Variants in TIE1 observed in about 807,000 individuals in gnomAD.
The protein encoded by TIE1 is tyrosine-protein kinase receptor Tie-1.
A neutral mutation model predicts 130.5 loss-of-function variants in TIE1; 89 were observed. The observed-to-expected ratio is 0.68, with a 90% confidence interval of 0.57 to 0.81. TIE1 has a LOEUF of 0.81. TIE1 is among the 40% of genes least tolerant of loss of function. TIE1 has a pLI of 0.00. For synonymous variants in TIE1, 568 were observed against 629.4 expected, an observed-to-expected ratio of 0.90 and a Z score of 1.46; for missense variants, 1,392 against 1,559.8, an observed-to-expected ratio of 0.89 and a Z score of 1.81.
rs1646720112 is a variant in TIE1, at chr1:43,305,485, C to T, written c.484+142C>T. ...CTCTCCTCTGTAGTGGACCAGGTCC[C>T]ATGGGATGTGCCTGCACCCATCTTA... On this transcript the variant is annotated intron_variant, in intron 3 of 22. Coordinates refer to ENST00000372476, the MANE Select transcript of TIE1 (RefSeq NM_005424.5). 6.8e-6 allele frequency: 5 copies of T among 740,364 alleles called. No individual in the cohort carries two copies. In the South Asian group the frequency reaches 9.8e-5, roughly 15 times the overall value. 45.9% of individuals were successfully genotyped at this position (740,364 alleles called of 1,614,324 possible).
At chr1:43,311,917 G>A (rs1357649444) in intron 10 of TIE1, 77 bp from the exon 11 acceptor site, 86 of 1,570,724 alleles carry the variant, frequency 5.5e-5, no homozygotes, top group Non-Finnish European at 6.8e-5. Flanking sequence ...CAAATGGTGC[G>A]AGGGGGCTGA....
At chr1:43,321,823 C>T in intron 22 of TIE1, 108 bp downstream of exon 22, 1 of 1,042,532 alleles carries the variant, frequency 9.6e-7, no homozygotes, top group South Asian at 1.5e-5. Flanking sequence ...GCCCAACCTC[C>T]CTCAGTGGGG....
At chr1:43,321,534 G>A (rs374317494) in intron 21 of TIE1, 42 bp downstream of exon 21, 7 of 1,578,306 alleles carry the variant, frequency 4.4e-6, no homozygotes, top group Admixed American at 1.9e-5. Flanking sequence ...CTATCTCTGT[G>A]ATGAGTGACC....
Position 43,306,733 on chromosome 1 carries a change from A to G in TIE1, c.485-107A>G. ...TCTCGTGGTGCCGGCCCTAGGTCTC[A>G]TCACTGTGCATGGGGCTCATTGATG... is the stretch of plus-strand genomic sequence containing the variant. On this transcript the variant is annotated intron_variant, in intron 3 of 22. Transcript: ENST00000372476. This position sits in a 1 kb window ranked among gnomAD's most constrained non-coding sequence, Gnocchi z 4.9. 1.4e-6 allele frequency: 2 copies of G among 1,412,204 alleles called. No individual in the cohort carries two copies. The highest frequency in any genetic ancestry group is 1.9e-6 in the Non-Finnish European group (2 of 1,049,058). The allele number at this position is 1,412,204 out of a possible 1,614,324, so 87.5% of individuals were successfully genotyped here.
intron 9 of TIE1, among the ~76,000 whole-genome samples, chr1:43,311,256 G>A (rs1369902835): frequency 6.6e-6 from 1 of 152,080 alleles, no homozygotes; most frequent in East Asian, 1.9e-4. Context: ...GCTATGAAGC[G>A]TGTGGCGGGG....
chr1:43,311,357 AGTCTCCC>A (rs1646788420), intron 9 of TIE1, among the ~76,000 whole-genome samples: 2 of 151,668 alleles, frequency 1.3e-5, no homozygotes, highest in Non-Finnish European at 2.9e-5. Flanking sequence ...ATGCCCAGGT[AGTCTCCC>A]TGACCTGGGT....
intron 19 of TIE1, among the ~76,000 whole-genome samples, 195 bp from the exon 20 acceptor site, chr1:43,321,074 T>C (rs1316989378): frequency 2.7e-5 from 4 of 148,596 alleles, no homozygotes; most frequent in African/African-American, 1.0e-4. Context: ...AGAGCTCTAA[T>C]TGTGCTGAGC....
At position 43,321,641 on chromosome 1, in the gene TIE1, C is replaced by T. The variant is rs992891484; in HGVS notation, c.3271C>T (p.Arg1091Trp). ...GTACGAGCTGATGCGTCAGTGCTGG[C>T]GGGACCGTCCCTATGAGCGACCCCC... ...EVYELMRQCW[R>W]DRPYERPPFA... Residue 1091 changes from arginine (R) to tryptophan (W), a missense_variant, in exon 22 of 23, where the codon CGG becomes TGG. Transcript: ENST00000372476. 3.9e-6 allele frequency: 6 copies of T among 1,553,604 alleles called. No homozygotes were observed. Among genetic ancestry groups the T allele is most frequent in the Non-Finnish European group, 5.2e-6 (6 of 1,148,022 alleles).
chr1:43,313,779 G>A lies in TIE1; in HGVS notation c.2220G>A (p.Gly740=). ...NTVEESTLGN[G]LQAEGPVQES... ...ATCTGCCCCTCTCACTGTGTCCAGG[G>A]CTGCAGGCTGAGGGCCCAGTCCAAG... The change falls in exon 14 of 23, where the codon GGG becomes GGA. Residue 740 remains glycine, a splice_region_variant and synonymous_variant. Coordinates refer to ENST00000372476, the MANE Select transcript of TIE1 (RefSeq NM_005424.5). This position sits in a 1 kb window ranked among gnomAD's most constrained non-coding sequence, Gnocchi z 6.2. 6.2e-7 allele frequency: 1 copy of A among 1,611,110 alleles called. No individual in the cohort carries two copies. The highest frequency in any genetic ancestry group is 1.3e-5 in the African/African-American group (1 of 74,962).
rs1646827841 is a variant in TIE1 at position 43,313,621 on chromosome 1, C to T, written c.2219-157C>T. On this transcript the variant is annotated intron_variant, in intron 13 of 22. Coordinates refer to ENST00000372476, the MANE Select transcript of TIE1 (RefSeq NM_005424.5). This position sits in a 1 kb window ranked among gnomAD's most constrained non-coding sequence, Gnocchi z 6.2. ...CAGGGCTGGGAAAATCATGTCGCCC[C>T]TCTGACACCCCTCATCCCTTCCTTC... 7 of 1,062,364 alleles carry T rather than the reference C, an allele frequency of 6.6e-6. No homozygotes were observed. The highest frequency in any genetic ancestry group is 1.6e-5 in the African/African-American group (1 of 62,524). 65.8% of individuals were successfully genotyped at this position (1,062,364 alleles called of 1,614,324 possible).
intron 10 of TIE1, 33 bp from the exon 11 acceptor site, chr1:43,311,961 C>A (rs774896038): frequency 6.4e-7 from 1 of 1,562,742 alleles, no homozygotes; most frequent in African/African-American, 1.4e-5. Flanking sequence ...GAGGTGGGGG[C>A]TGAATAATGT....
Position 43,313,953 on chromosome 1 carries a change from C to G in TIE1, c.2394C>G (p.Thr798=), listed in dbSNP as rs1161945018. Residue 798 remains threonine, a synonymous_variant, in exon 14 of 23, where the codon ACC becomes ACG. Coordinates refer to ENST00000372476, the MANE Select transcript of TIE1 (RefSeq NM_005424.5). The surrounding 1 kb of genome is among the most constrained non-coding windows in gnomAD (Gnocchi z 6.2). ...RSCLHRRRTF[T]YQSGSGEETI... ...GCCTGCATCGGAGACGCACCTTCACCTACCAGTCAGGCTCGGTCAGTGACC... is the reference window on the plus strand; with the variant it reads ...GCCTGCATCGGAGACGCACCTTCACGTACCAGTCAGGCTCGGTCAGTGACC... The G allele has an allele frequency of 9.9e-6, 16 of 1,614,076 alleles. No individual in the cohort carries two copies. Among genetic ancestry groups the G allele is most frequent in the African/African-American group, 1.3e-5 (1 of 74,932 alleles).
At chr1:43,304,448 G>A (rs1422675086) in intron 1 of TIE1, among the ~76,000 whole-genome samples, 1 of 152,200 alleles carries the variant, frequency 6.6e-6, no homozygotes, top group Non-Finnish European at 1.5e-5. Context: ...TTTTAGAGAC[G>A]AGTGGGGAAA....
rs768619519 is a variant in TIE1 at position 43,305,324 on chromosome 1, C to T, written c.465C>T (p.Asp155=). The T allele has an allele frequency of 2.0e-5, 32 of 1,569,954 alleles. No homozygotes were observed. The East Asian group carries it at 6.7e-4, about 33-fold the overall frequency. Residue 155 remains aspartate, a synonymous_variant, in exon 3 of 23, where the codon GAC becomes GAT. Coordinates refer to ENST00000372476, the MANE Select transcript of TIE1 (RefSeq NM_005424.5). ...SARVHKEKQT[D]VIWKSNGSYF... is the part of the protein sequence containing the mutation. Reference sequence around the variant, plus strand: ...GTGTGCACAAGGAGAAGCAGACAGACGTGATCTGGAAGAGCAACGGTAAAG... The same window carrying T: ...GTGTGCACAAGGAGAAGCAGACAGATGTGATCTGGAAGAGCAACGGTAAAG...
Position 43,322,757 on chromosome 1 carries a change from G to A in TIE1, c.*35G>A, listed in dbSNP as rs748445989. ...CAGCCAGAACGTGGCTCTGCTGGCCGGAGCAAACTCTGCTGTCTAACCTGT... is the reference window on the plus strand; with the variant it reads ...CAGCCAGAACGTGGCTCTGCTGGCCAGAGCAAACTCTGCTGTCTAACCTGT... On this transcript the variant is annotated 3_prime_UTR_variant, in exon 23 of 23. Coordinates refer to ENST00000372476, the MANE Select transcript of TIE1 (RefSeq NM_005424.5). The surrounding 1 kb of genome is among the most constrained non-coding windows in gnomAD (Gnocchi z 4.0). 65 of 1,600,948 alleles carry A rather than the reference G, an allele frequency of 4.1e-5. No homozygotes were observed. Among genetic ancestry groups the A allele is most frequent in the Admixed American group, 1.5e-4 (9 of 59,660 alleles).
At chr1:43,302,765 G>A (rs1368792567) in intron 1 of TIE1, among the ~76,000 whole-genome samples, 11 of 152,092 alleles carry the variant, frequency 7.2e-5, no homozygotes, top group Admixed American at 7.2e-4. Flanking sequence ...TTTGGTCTTA[G>A]ATCACCGTGG....
In TIE1 at chr1:43,301,131, TA is replaced by T. The variant is rs1308750112; in HGVS notation, c.58+4del. The T allele has an allele frequency of 7.4e-6, 12 of 1,613,108 alleles. No homozygotes were observed. Among genetic ancestry groups the T allele is most frequent in the African/African-American group, 1.3e-5 (1 of 74,976 alleles). ...TCCTCTTCTTGGCTTCTCATGTGGGTAAGTCTCCCCTGAGTCCCTCACCCCA... is the reference window on the plus strand; with the variant it reads ...TCCTCTTCTTGGCTTCTCATGTGGGTAGTCTCCCCTGAGTCCCTCACCCCA... On this transcript the variant is annotated splice_donor_region_variant and intron_variant, in intron 1 of 22. Coordinates refer to ENST00000372476, the MANE Select transcript of TIE1 (RefSeq NM_005424.5).
At chr1:43,301,456 C>T (rs1324053548) in intron 1 of TIE1, among the ~76,000 whole-genome samples, 1 of 147,370 alleles carries the variant, frequency 6.8e-6, no homozygotes, top group Non-Finnish European at 1.5e-5. Context: ...ACCCCGTCTC[C>T]ATTGTGTTTA....
Position 43,322,643 on chromosome 1 carries a change from G to A in TIE1, c.3346-8G>A. 3.1e-6 allele frequency: 5 copies of A among 1,613,382 alleles called. No individual in the cohort carries two copies. The highest frequency in any genetic ancestry group is 4.2e-6 in the Non-Finnish European group (5 of 1,179,656). On this transcript the variant is annotated splice_polypyrimidine_tract_variant and splice_region_variant and intron_variant, in intron 22 of 22. Coordinates refer to ENST00000372476, the MANE Select transcript of TIE1 (RefSeq NM_005424.5). The surrounding 1 kb of genome is among the most constrained non-coding windows in gnomAD (Gnocchi z 4.0). ...CCTGGCCCCCACTAAAGCTTGCTCT[G>A]CCCCCAGGCCTATGTGAACATGTCG... is the stretch of plus-strand genomic sequence containing the variant.
Sources: allele counts gnomAD v4.1 joint callset (sites outside exome capture counted in the v4.1 genomes callset), GRCh38; gene constraint gnomAD v4.1.1; non-coding constraint Gnocchi (gnomAD v3.1); transcripts MANE v1.5; gene names NCBI Gene and HGNC (gene_info 2026-07-23, HGNC 2026-07-21).